The following ADORA2B variants were observed in gnomAD, a reference collection of about 807,000 sequenced individuals.
ADORA2B encodes adenosine A2b receptor.
ADORA2B carries 18 observed loss-of-function variants against 20.8 expected under a neutral mutation model. The ratio of observed to expected loss-of-function variants is 0.87; its 90% CI spans 0.60 to 1.29. The LOEUF is 1.29. Among genes scored for constraint, ADORA2B ranks in the 50% most tolerant of loss-of-function variants. The pLI, the probability that ADORA2B is intolerant of heterozygous loss-of-function variation, is 0.00. For missense variants in ADORA2B, 441 were observed against 422.7 expected (o/e 1.04, Z -0.38); for synonymous variants, 179 against 178.3 (o/e 1.00, Z -0.03).
the ADORA2B span, among the ~76,000 whole-genome samples, chr17:15,922,746 G>A: frequency 6.6e-6 from 1 of 152,150 alleles, no homozygotes; most frequent in African/African-American, 2.4e-5. Context: ...TGCTTCTGAC[G>A]GAACATGCCA....
intron 1 of ADORA2B, among the ~76,000 whole-genome samples, chr17:15,961,966 C>T (rs893905438): frequency 2.0e-5 from 3 of 152,104 alleles, no homozygotes; most frequent in African/African-American, 7.2e-5. Flanking sequence ...CCATGAACTT[C>T]GGGGGGCACA....
the ADORA2B span, among the ~76,000 whole-genome samples, chr17:15,885,854 C>T: frequency 6.6e-6 from 1 of 152,186 alleles, no homozygotes; most frequent in Admixed American, 6.5e-5. Flanking sequence ...AAAGTTGAGT[C>T]ATTTTCCTGA....
At chr17:15,873,678 T>C in the ADORA2B span, among the ~76,000 whole-genome samples, 1 of 151,794 alleles carries the variant, frequency 6.6e-6, no homozygotes, top group Non-Finnish European at 1.5e-5. Context: ...AAATGCAAAA[T>C]AAAACCACAA....
chr17:15,930,856 C>T, the ADORA2B span, among the ~76,000 whole-genome samples: 1 of 152,200 alleles, frequency 6.6e-6, no homozygotes, highest in African/African-American at 2.4e-5. Flanking sequence ...ACAGTGTCTG[C>T]TAAAATCCAT....
intron 1 of ADORA2B, among the ~76,000 whole-genome samples, chr17:15,952,090 AG>A (rs1597848907): frequency 1.3e-5 from 2 of 152,018 alleles, no homozygotes; most frequent in Non-Finnish European, 2.9e-5. Flanking sequence ...TCTGGAGAAG[AG>A]GGTAAATGAA....
Position 15,945,319 on chromosome 17 carries a change from G to T in ADORA2B, c.71G>T (p.Gly24Val). Residue 24 changes from glycine (G) to valine (V), a missense_variant, in exon 1 of 2, where the codon GGC (glycine) becomes GTC (valine). Gly to Val is a moderately radical substitution (Grantham distance 109, BLOSUM62 -3). Coordinates refer to ENST00000304222, the MANE Select transcript of ADORA2B (RefSeq NM_000676.4). ...GTCATCGCCGCGCTTTCGGTGGCGG[G>T]CAACGTGCTGGTGTGCGCCGCGGTG... ...ELVIAALSVAGNVLVCAAVGT... is the reference protein window; with the variant it reads ...ELVIAALSVAVNVLVCAAVGT... The T allele has an allele frequency of 6.3e-7, 1 of 1,587,322 alleles. No individual in the cohort carries two copies. Among genetic ancestry groups the T allele is most frequent in the Middle Eastern group, 1.7e-4 (1 of 6,004 alleles).
the ADORA2B span, among the ~76,000 whole-genome samples, chr17:15,876,449 C>CT: frequency 0.033 from 3,892 of 119,284 alleles, 77 homozygotes; most frequent in Non-Finnish European, 0.045. Context: ...TTTCTTTTTT[C>CT]TTTTTTTTTT....
At chr17:15,955,720 CT>C (rs150614152) in intron 1 of ADORA2B, among the ~76,000 whole-genome samples, 453 of 119,794 alleles carry the variant, frequency 3.8e-3, no homozygotes, top group Middle Eastern at 0.012. Context: ...CTCTGGGATT[CT>C]TTTTTTTTTT....
chr17:15,904,249 G>A, the ADORA2B span, among the ~76,000 whole-genome samples: 122 of 152,132 alleles, frequency 8.0e-4, 1 homozygote, highest in Non-Finnish European at 1.3e-3. Flanking sequence ...CAAAGTGTGG[G>A]TATTACAGGC....
rs1180541738 is a variant in ADORA2B, at chr17:15,945,451, G to A, written c.203G>A (p.Ser68Asn). Residue 68 changes from serine (S) to asparagine (N), a missense_variant, in exon 1 of 2, where the codon AGC becomes AAC. Transcript: ENST00000304222. ...GCCATCCCCTTTGCCATCACCATCAGCCTGGGCTTCTGCACTGACTTCTAC... is the reference window on the plus strand; with the variant it reads ...GCCATCCCCTTTGCCATCACCATCAACCTGGGCTTCTGCACTGACTTCTAC... Reference protein sequence around the residue: ...LFAIPFAITISLGFCTDFYGC... With the variant: ...LFAIPFAITINLGFCTDFYGC... The A allele has an allele frequency of 5.0e-6, 8 of 1,613,554 alleles. No individual in the cohort carries two copies. Among genetic ancestry groups the A allele is most frequent in the Non-Finnish European group, 6.8e-6 (8 of 1,179,986 alleles).
chr17:15,921,196 C>T, the ADORA2B span, among the ~76,000 whole-genome samples: 5 of 152,148 alleles, frequency 3.3e-5, no homozygotes, highest in South Asian at 2.1e-4. Flanking sequence ...ACAAGCTGAG[C>T]CTGGGGATTT....
At chr17:15,935,051 C>T in the ADORA2B span, among the ~76,000 whole-genome samples, 1 of 152,220 alleles carries the variant, frequency 6.6e-6, no homozygotes, top group African/African-American at 2.4e-5. Context: ...AAACGATCCG[C>T]ACACTCTGGC....
At chr17:15,968,415 A>G (rs1970147354) in intron 1 of ADORA2B, among the ~76,000 whole-genome samples, 1 of 152,132 alleles carries the variant, frequency 6.6e-6, no homozygotes, top group Non-Finnish European at 1.5e-5. Context: ...TACATACCAT[A>G]ACATCGCAGA....
At chr17:15,898,658 C>T in the ADORA2B span, among the ~76,000 whole-genome samples, 57 of 152,118 alleles carry the variant, frequency 3.7e-4, 1 homozygote, top group East Asian at 7.5e-3. Context: ...TGAGCCACTG[C>T]GCCCGGCCTT....
chr17:15,966,793 G>T (rs1244914739), intron 1 of ADORA2B, among the ~76,000 whole-genome samples: 1 of 152,226 alleles, frequency 6.6e-6, no homozygotes, highest in East Asian at 1.9e-4. Flanking sequence ...TTTCTGCCTT[G>T]TTTGGAATAA....
At chr17:15,940,266 G>C (rs1407048910), upstream of ADORA2B, among the ~76,000 whole-genome samples, 1 of 152,236 alleles carries the variant, frequency 6.6e-6, no homozygotes, top group African/African-American at 2.4e-5. Flanking sequence ...CTGGGGTGCA[G>C]AGCTGCCTCT....
chr17:15,896,518 C>G, the ADORA2B span, among the ~76,000 whole-genome samples: 7 of 152,008 alleles, frequency 4.6e-5, no homozygotes, highest in Admixed American at 4.6e-4. Context: ...AGGGAAATTA[C>G]CCAGAATATA....
chr17:15,875,254 C>T, the ADORA2B span, among the ~76,000 whole-genome samples: 2 of 151,198 alleles, frequency 1.3e-5, no homozygotes, highest in African/African-American at 2.5e-5. Flanking sequence ...CATAGTCAAG[C>T]GTTTTCAAGT....
intron 1 of ADORA2B, among the ~76,000 whole-genome samples, chr17:15,950,690 C>T (rs1167491777): frequency 1.3e-5 from 2 of 152,194 alleles, no homozygotes; most frequent in Non-Finnish European, 2.9e-5. Context: ...CCACATCATA[C>T]CGTTCCCCTG....
Sources: allele counts gnomAD v4.1 joint callset (sites outside exome capture counted in the v4.1 genomes callset), GRCh38; gene constraint gnomAD v4.1.1; transcripts MANE v1.5; gene names NCBI Gene and HGNC (gene_info 2026-07-23, HGNC 2026-07-21).